PPP1R12A: variants seen among roughly 807,000 people sequenced by gnomAD.
PPP1R12A encodes the protein myosin binding subunit.
In PPP1R12A, 19 loss-of-function variants were observed where a neutral mutation model predicts 139.6. That is an observed-to-expected ratio of 0.14 (90% CI 0.09 to 0.20). The LOEUF is 0.20. Ranked by LOEUF, PPP1R12A falls within the 10% of genes least tolerant of loss-of-function variation. PPP1R12A has a pLI of 1.00. For synonymous variants in PPP1R12A, 427 were observed against 420.6 expected (o/e 1.02, Z -0.19); for missense variants, 925 against 1,211.5 (o/e 0.76, Z 3.51).
At chr12:79,856,552 G>C (rs910122353) in intron 2 of PPP1R12A, among the ~76,000 whole-genome samples, 1 of 152,052 alleles carries the variant, frequency 6.6e-6, no homozygotes, top group African/African-American at 2.4e-5. Flanking sequence ...AATGATATCC[G>C]TAATGTGTTA....
intron 1 of PPP1R12A, among the ~76,000 whole-genome samples, chr12:79,901,427 T>G (rs903356807): frequency 3.3e-5 from 5 of 152,170 alleles, no homozygotes; most frequent in African/African-American, 1.2e-4. Flanking sequence ...ATACAACTTT[T>G]TGTGTGAACA....
intron 24 of PPP1R12A, chr12:79,777,704 AAG>A (rs1484012168): frequency 6.6e-6 from 6 of 911,200 alleles, no homozygotes; most frequent in South Asian, 5.1e-5. Context: ...GAAAATGGAA[AAG>A]AGTATAATAA....
chr12:79,807,019 G>A (rs1012250295), intron 12 of PPP1R12A: 39 of 353,326 alleles, frequency 1.1e-4, no homozygotes, highest in African/African-American at 1.5e-4. Context: ...CATAATATTT[G>A]AAGCTTAATT....
chr12:79,806,376 G>T, intron 12 of PPP1R12A, 43 bp from the exon 13 acceptor site: 2 of 1,528,370 alleles, frequency 1.3e-6, no homozygotes, highest in Non-Finnish European at 1.8e-6. Context: ...GTTTGTATGT[G>T]TATTCTATAG....
intron 1 of PPP1R12A, among the ~76,000 whole-genome samples, chr12:79,923,720 A>G (rs1387700522): frequency 1.3e-5 from 2 of 152,210 alleles, no homozygotes; most frequent in African/African-American, 4.8e-5. Flanking sequence ...ATACAACATT[A>G]AACATACAAA....
At chr12:79,791,787 C>T (rs1396588425) in intron 19 of PPP1R12A, among the ~76,000 whole-genome samples, 7 of 152,000 alleles carry the variant, frequency 4.6e-5, no homozygotes, top group African/African-American at 1.2e-4. Context: ...AAAAATAAAA[C>T]TCTATATCCA....
chr12:79,935,277 C>G, upstream of PPP1R12A: 1 of 1,083,178 alleles, frequency 9.2e-7, no homozygotes, highest in Non-Finnish European at 1.1e-6. Flanking sequence ...AAGAGCGCTC[C>G]CGCGAACTGC....
chr12:79,906,897 C>T (rs1186027646), intron 1 of PPP1R12A, among the ~76,000 whole-genome samples: 4 of 152,134 alleles, frequency 2.6e-5, no homozygotes, highest in African/African-American at 7.2e-5. Context: ...TTGCCCGCCT[C>T]GGCCTCCCGA....
At chr12:79,903,727 C>A (rs1348942909) in intron 1 of PPP1R12A, among the ~76,000 whole-genome samples, 1 of 152,042 alleles carries the variant, frequency 6.6e-6, no homozygotes, top group Non-Finnish European at 1.5e-5. Flanking sequence ...TAAATGCTAT[C>A]TTTTATCTAT....
rs61261140 is a variant in PPP1R12A, at chr12:79,833,726, A to G, written c.488-1235T>C. Among the ~76,000 whole-genome samples the G allele has an allele frequency of 6.0e-3, 903 of 151,618 alleles. 11 individuals carry two copies. Among genetic ancestry groups the G allele is most frequent in the African/African-American group, 0.021 (861 of 41,314 alleles). ...GTGGCAGGTGCCTGTAGTCCCAGCTACTTGGGAGGCTGAGTCAGGAGAACT... is the reference window on the plus strand; with the variant it reads ...GTGGCAGGTGCCTGTAGTCCCAGCTGCTTGGGAGGCTGAGTCAGGAGAACT... On this transcript the variant is annotated intron_variant, in intron 3 of 24. Coordinates refer to ENST00000450142, the MANE Select transcript of PPP1R12A (RefSeq NM_002480.3).
chr12:79,845,827 T>C (rs1879312401), intron 2 of PPP1R12A, among the ~76,000 whole-genome samples: 1 of 152,216 alleles, frequency 6.6e-6, no homozygotes, highest in Non-Finnish European at 1.5e-5. Flanking sequence ...ATCTAGAGCA[T>C]GTTTCTTTTT....
intron 1 of PPP1R12A, among the ~76,000 whole-genome samples, chr12:79,876,669 G>C (rs548293519): frequency 5.3e-5 from 8 of 152,166 alleles, no homozygotes; most frequent in Admixed American, 2.0e-4. Flanking sequence ...AACTACCATA[G>C]AAACAAAAGA....
chr12:79,935,194 A>C, upstream of PPP1R12A: 2 of 1,305,280 alleles, frequency 1.5e-6, no homozygotes, highest in Non-Finnish European at 9.7e-7. Flanking sequence ...ATCTAACGTA[A>C]CTTCGCGAGA....
In PPP1R12A at chr12:79,904,231, T is replaced by C. The variant is rs540693680; in HGVS notation, c.237+30464A>G. Among the ~76,000 whole-genome samples, 52 of 148,504 alleles carry C rather than the reference T, an allele frequency of 3.5e-4. 2 individuals are homozygous for C. In the South Asian group the frequency reaches 0.011, roughly 31 times the overall value. On this transcript the variant is annotated intron_variant, in intron 1 of 24. Transcript: ENST00000450142. ...CTCTGTCTCCAAAAAAAAAAAGGAG[T>C]GTATCCCTTTTTTCTCCCAATTCTG...
At chr12:79,898,702 T>C (rs894832019) in intron 1 of PPP1R12A, among the ~76,000 whole-genome samples, 4 of 152,114 alleles carry the variant, frequency 2.6e-5, no homozygotes, top group African/African-American at 7.2e-5. Flanking sequence ...CCCTGTACTT[T>C]AGCCAAACAA....
intron 23 of PPP1R12A, chr12:79,779,124 T>C (rs539741266): frequency 2.7e-6 from 1 of 368,702 alleles, no homozygotes; most frequent in Admixed American, 3.5e-5. Flanking sequence ...ATGTGTAGCA[T>C]TAATGCAGTG....
intron 1 of PPP1R12A, among the ~76,000 whole-genome samples, chr12:79,928,112 T>C (rs750228254): frequency 2.0e-5 from 3 of 152,260 alleles, no homozygotes; most frequent in Non-Finnish European, 4.4e-5. Context: ...ACTTTTCTTA[T>C]GTGAACTGTA....
intron 1 of PPP1R12A, among the ~76,000 whole-genome samples, chr12:79,931,744 A>G (rs1309221400): frequency 2.0e-5 from 3 of 152,140 alleles, no homozygotes; most frequent in East Asian, 3.9e-4. Context: ...AGAAATTTGT[A>G]TCTATGGTTA....
At chr12:79,879,310 T>G (rs1450129507) in intron 1 of PPP1R12A, among the ~76,000 whole-genome samples, 1 of 152,002 alleles carries the variant, frequency 6.6e-6, no homozygotes, top group African/African-American at 2.4e-5. Flanking sequence ...GAGGTTGCAG[T>G]GAGCCAAGAT....
Sources: allele counts gnomAD v4.1 joint callset (sites outside exome capture counted in the v4.1 genomes callset), GRCh38; gene constraint gnomAD v4.1.1; transcripts MANE v1.5; gene names NCBI Gene and HGNC (gene_info 2026-07-23, HGNC 2026-07-21).